Variants in RASA2 observed in about 807,000 individuals in gnomAD.
RASA2 encodes the protein RAS p21 protein activator 2.
In RASA2, 155 loss-of-function variants were observed where a neutral mutation model predicts 118.2. The observed-to-expected ratio is 1.31, with a 90% CI of 1.15 to 1.50. The LOEUF (loss-of-function observed/expected upper bound fraction) is 1.50, where lower values mean the gene tolerates loss of function less well. Ranked by LOEUF, RASA2 falls within the 40% of genes most tolerant of loss-of-function variation. RASA2 has a pLI of 0.00. For missense variants in RASA2, 1,016 were observed against 1,009.6 expected (o/e 1.01, Z -0.09); for synonymous variants, 353 against 349.1 (o/e 1.01, Z -0.12).
intron 4 of RASA2, among the ~76,000 whole-genome samples, chr3:141,538,693 C>T (rs1023208652): frequency 7.2e-5 from 11 of 152,054 alleles, no homozygotes; most frequent in African/African-American, 2.7e-4. Context: ...TTGTGTCTGC[C>T]TGTTCTGTCC....
intron 7 of RASA2, among the ~76,000 whole-genome samples, chr3:141,556,323 C>A (rs181217695): frequency 1.3e-5 from 2 of 152,186 alleles, no homozygotes; most frequent in Non-Finnish European, 2.9e-5. Flanking sequence ...CTGAAAGAGT[C>A]ACTAAATGTG....
intron 9 of RASA2, among the ~76,000 whole-genome samples, chr3:141,565,885 T>C (rs1366729145): frequency 6.6e-6 from 1 of 152,256 alleles, no homozygotes; most frequent in African/African-American, 2.4e-5. Flanking sequence ...GTAGATGTTC[T>C]GAAGGTTGAT....
intron 5 of RASA2, among the ~76,000 whole-genome samples, chr3:141,549,249 C>T (rs560488187): frequency 6.6e-6 from 1 of 152,238 alleles, no homozygotes; most frequent in Non-Finnish European, 1.5e-5. Context: ...GAGTTTTGCT[C>T]CTTCAGTTAT....
At chr3:141,491,958 G>GGT (rs899021971) in intron 1 of RASA2, among the ~76,000 whole-genome samples, 3 of 152,198 alleles carry the variant, frequency 2.0e-5, no homozygotes, top group Non-Finnish European at 4.4e-5. Flanking sequence ...GATTAAAAAG[G>GGT]GTGTATTCAT....
chr3:141,515,275 C>T (rs79583300), intron 2 of RASA2, among the ~76,000 whole-genome samples: 19,644 of 151,512 alleles, frequency 0.13, 1,815 homozygotes, highest in East Asian at 0.24. Context: ...TTGAAGTAGC[C>T]TTTCACATAA....
intron 13 of RASA2, 127 bp from the exon 14 acceptor site, chr3:141,573,817 A>G (rs1278322972): frequency 1.4e-6 from 1 of 703,424 alleles, no homozygotes; most frequent in Non-Finnish European, 2.0e-6. Flanking sequence ...AAAGGGTAAC[A>G]GTACTTTAAA....
At position 141,607,772 on chromosome 3, in the gene RASA2, A is replaced by T. The variant is rs757434151; in HGVS notation, c.2016+12A>T. 69 of 1,567,956 alleles carry T rather than the reference A, an allele frequency of 4.4e-5. No homozygotes were observed. Among genetic ancestry groups the T allele is most frequent in the Admixed American group, 7.8e-5 (4 of 51,030 alleles). Reference sequence around the variant, plus strand: ...TCAACAAGAAAAATGTAAGTTATGTAAATAAATATTTAAAGCTTTCTGAAC... The same window carrying T: ...TCAACAAGAAAAATGTAAGTTATGTTAATAAATATTTAAAGCTTTCTGAAC... On this transcript the variant is annotated intron_variant, in intron 20 of 23. Coordinates refer to ENST00000286364, the MANE Select transcript of RASA2 (RefSeq NM_006506.5).
chr3:141,503,600 A>C (rs1158414381), intron 1 of RASA2, among the ~76,000 whole-genome samples: 3 of 152,164 alleles, frequency 2.0e-5, no homozygotes, highest in Non-Finnish European at 4.4e-5. Context: ...ATTTATGCAG[A>C]AGTTACTTTC....
intron 1 of RASA2, among the ~76,000 whole-genome samples, chr3:141,488,555 A>T (rs2081605298): frequency 6.6e-6 from 1 of 152,226 alleles, no homozygotes; most frequent in African/African-American, 2.4e-5. Context: ...TCCCTGAGGT[A>T]GTCCTGGGGC....
chr3:141,571,614 A>G (rs1419365113), intron 11 of RASA2, 60 bp downstream of exon 11: 10 of 1,507,946 alleles, frequency 6.6e-6, no homozygotes, highest in Admixed American at 2.0e-5. Flanking sequence ...CCTTAGTTTG[A>G]CAGATTGATT....
At chr3:141,610,406 ATATATTTATATTTATATATTATATATT>A (rs1559799591) in intron 23 of RASA2, among the ~76,000 whole-genome samples, 16 of 105,444 alleles carry the variant, frequency 1.5e-4, no homozygotes, top group African/African-American at 5.5e-4. Flanking sequence ...TTTATATATT[ATATATTTATATTTATATATTATATATT>A]TATATTTATA....
intron 9 of RASA2, among the ~76,000 whole-genome samples, chr3:141,563,999 A>G (rs2082778901): frequency 6.7e-6 from 1 of 150,130 alleles, no homozygotes. Context: ...GTAGACATAG[A>G]TGAGATATTT....
chr3:141,609,917 A>G lies in RASA2; in HGVS notation c.2370A>G (p.Lys790=). ...GTIAVYQGPQ[K]EPDDYSNFVI... ...TTGCAGTCTATCAAGGACCACAGAAAGAGCCTGATGATTATTCTAACTTTG... is the reference window on the plus strand; with the variant it reads ...TTGCAGTCTATCAAGGACCACAGAAGGAGCCTGATGATTATTCTAACTTTG... The change falls in exon 23 of 24, where the codon AAA becomes AAG. Residue 790 remains lysine, a synonymous_variant. Transcript: ENST00000286364. The G allele has an allele frequency of 1.2e-6, 2 of 1,603,988 alleles. No individual in the cohort carries two copies. The highest frequency in any genetic ancestry group is 2.3e-5 in the East Asian group (1 of 44,384).
chr3:141,524,854 G>A (rs1408213954), intron 3 of RASA2, among the ~76,000 whole-genome samples: 1 of 152,030 alleles, frequency 6.6e-6, no homozygotes, highest in African/African-American at 2.4e-5. Flanking sequence ...GCCTCCCAAA[G>A]TGCTAGGATT....
intron 5 of RASA2, among the ~76,000 whole-genome samples, chr3:141,552,467 A>C (rs2082589195): frequency 6.6e-6 from 1 of 152,116 alleles, no homozygotes; most frequent in South Asian, 2.1e-4. Context: ...TGTGAGCCTT[A>C]CTTCTTTTAA....
chr3:141,606,457 T>G (rs562804074), intron 19 of RASA2, among the ~76,000 whole-genome samples: 6 of 152,340 alleles, frequency 3.9e-5, no homozygotes, highest in African/African-American at 1.4e-4. Context: ...AGCATTCATC[T>G]CTATTTAATA....
intron 3 of RASA2, among the ~76,000 whole-genome samples, chr3:141,523,626 A>G (rs921873959): frequency 1.3e-5 from 2 of 152,110 alleles, no homozygotes; most frequent in Non-Finnish European, 2.9e-5. Context: ...TTTACCTCCT[A>G]TTATGTATTT....
At chr3:141,521,999 A>T (rs569939418) in intron 3 of RASA2, among the ~76,000 whole-genome samples, 1 of 152,162 alleles carries the variant, frequency 6.6e-6, no homozygotes, top group Admixed American at 6.5e-5. Flanking sequence ...TTTTCTGGAA[A>T]TGAAATTTGA....
rs186743257 is a variant in RASA2, at chr3:141,532,761, G to T, written c.450+2959G>T. 1.7e-3 allele frequency among the ~76,000 whole-genome samples: 254 copies of T among 152,156 alleles called. 1 individual carries two copies. Among genetic ancestry groups the T allele is most frequent in the Admixed American group, 4.5e-3 (69 of 15,258 alleles). On this transcript the variant is annotated intron_variant, in intron 4 of 23. Transcript: ENST00000286364. ...AAACTATATACTGTATCTTTAAACT[G>T]TAGACCTCCCCCCTGCCCTGACTCA...
Sources: allele counts gnomAD v4.1 joint callset (sites outside exome capture counted in the v4.1 genomes callset), GRCh38; gene constraint gnomAD v4.1.1; transcripts MANE v1.5; gene names NCBI Gene and HGNC (gene_info 2026-07-23, HGNC 2026-07-21).